Variants in CDS1 observed in about 807,000 individuals in gnomAD.
CDS1 encodes the protein phosphatidate cytidylyltransferase 1.
CDS1 carries 41 observed loss-of-function variants against 62.1 expected under a neutral mutation model. The ratio of observed to expected loss-of-function variants is 0.66; its 90% confidence interval spans 0.51 to 0.86. The LOEUF (loss-of-function observed/expected upper bound fraction) is 0.86. Ranked by LOEUF, CDS1 falls within the 40% of genes least tolerant of loss-of-function variation. The pLI is 0.00. For synonymous variants in CDS1, 185 were observed against 192.6 expected (o/e 0.96, Z 0.32); for missense variants, 470 against 550.1 (o/e 0.85, Z 1.46).
At chr4:84,600,034 C>T (rs1234501056) in intron 1 of CDS1, among the ~76,000 whole-genome samples, 1 of 152,208 alleles carries the variant, frequency 6.6e-6, no homozygotes, top group East Asian at 1.9e-4. Flanking sequence ...TCCAGATTTT[C>T]TCCAACATTT....
intron 2 of CDS1, among the ~76,000 whole-genome samples, chr4:84,606,957 A>C (rs1723112599): frequency 6.6e-6 from 1 of 152,206 alleles, no homozygotes; most frequent in African/African-American, 2.4e-5. Context: ...ATTAATCCAC[A>C]AACAGTTATA....
intron 10 of CDS1, among the ~76,000 whole-genome samples, chr4:84,642,155 A>G (rs142578061): frequency 2.0e-5 from 3 of 152,140 alleles, no homozygotes; most frequent in African/African-American, 4.8e-5. Flanking sequence ...GGTGAAACCC[A>G]TGTCTACTAA....
chr4:84,632,260 G>A (rs542381804), intron 6 of CDS1, among the ~76,000 whole-genome samples: 15 of 152,004 alleles, frequency 9.9e-5, no homozygotes, highest in Non-Finnish European at 4.4e-5. Context: ...CTTGGCGTGC[G>A]CATAAAGCAG....
At chr4:84,599,222 G>C (rs981212510) in intron 1 of CDS1, among the ~76,000 whole-genome samples, 5 of 151,672 alleles carry the variant, frequency 3.3e-5, no homozygotes, top group Admixed American at 2.0e-4. Context: ...TCTTTATAAG[G>C]GCACCAAACC....
chr4:84,602,219 T>G (rs917430484), intron 1 of CDS1, among the ~76,000 whole-genome samples: 1 of 152,212 alleles, frequency 6.6e-6, no homozygotes, highest in Non-Finnish European at 1.5e-5. Flanking sequence ...AATTACTGAA[T>G]GAAAGACTCC....
At position 84,649,525 on chromosome 4, in the gene CDS1, TTTTCCCTG is replaced by T. The variant is rs1402721177; in HGVS notation, c.*849_*856del. On this transcript the variant is annotated 3_prime_UTR_variant, in exon 13 of 13. Coordinates refer to ENST00000295887, the MANE Select transcript of CDS1 (RefSeq NM_001263.4). Reference sequence around the variant, plus strand: ...GCCATCTCTTCGTCATGTGCTTCACTTTTCCCTGTTTCCCTGTGAACTGGCTTCCATGG... The same window carrying T: ...GCCATCTCTTCGTCATGTGCTTCACTTTTCCCTGTGAACTGGCTTCCATGG... The T allele has an allele frequency of 6.5e-6, 1 of 152,702 alleles. No homozygotes were observed. The highest frequency in any genetic ancestry group is 1.5e-5 in the Non-Finnish European group (1 of 68,336). 9.5% of individuals were successfully genotyped at this position (152,702 alleles called of 1,614,324 possible).
intron 1 of CDS1, among the ~76,000 whole-genome samples, chr4:84,583,849 GGGGCTGCA>G (rs986906111): frequency 3.3e-4 from 50 of 152,262 alleles, no homozygotes; most frequent in African/African-American, 1.2e-3. Context: ...TGTCCTCCTA[GGGGCTGCA>G]GTGCAGTTAG....
intron 5 of CDS1, among the ~76,000 whole-genome samples, chr4:84,628,446 C>G (rs1723922402): frequency 6.6e-6 from 1 of 152,064 alleles, no homozygotes; most frequent in Admixed American, 6.6e-5. Flanking sequence ...TTCCCTCTGT[C>G]TCATCTATTG....
chr4:84,609,314 T>C (rs1723241875), intron 2 of CDS1, 115 bp from the exon 3 acceptor site: 4 of 606,752 alleles, frequency 6.6e-6, no homozygotes, highest in Admixed American at 6.0e-5. Context: ...TTATATAAAG[T>C]GAAGTAGTAG....
chr4:84,640,804 T>TTTTTG lies in CDS1; in HGVS notation c.880-14_880-10dup, dbSNP rs565578108. 452 of 1,470,822 alleles carry TTTTTG rather than the reference T, an allele frequency of 3.1e-4. No individual in the cohort carries two copies. In the African/African-American group the frequency reaches 5.8e-3, roughly 19 times the overall value. The allele number at this position is 1,470,822 out of a possible 1,614,324, so 91.1% of individuals were successfully genotyped here. On this transcript the variant is annotated intron_variant, in intron 9 of 12. Transcript: ENST00000295887. ...AATGTGTTATGAACTTTTGCTTTGT[T>TTTTTG]TTTTGTTTTGTTTTGTTTTGTTTTT...
At chr4:84,594,771 A>G (rs1262774747) in intron 1 of CDS1, among the ~76,000 whole-genome samples, 2 of 152,142 alleles carry the variant, frequency 1.3e-5, no homozygotes, top group African/African-American at 2.4e-5. Context: ...TTGGCTCTCC[A>G]TATCTATGGG....
chr4:84,628,355 G>T (rs1412851744), intron 5 of CDS1, among the ~76,000 whole-genome samples: 1 of 152,136 alleles, frequency 6.6e-6, no homozygotes, highest in African/African-American at 2.4e-5. Flanking sequence ...GAATGGCAGT[G>T]CCTATCTTAT....
At chr4:84,646,537 T>C (rs1560485900) in intron 12 of CDS1, among the ~76,000 whole-genome samples, 1 of 152,220 alleles carries the variant, frequency 6.6e-6, no homozygotes. Flanking sequence ...TCCAGTATTA[T>C]ATCTTCTTTA....
rs1724692271 is a variant in CDS1, at chr4:84,650,249, C to T, written c.*1563C>T. The T allele has an allele frequency of 6.6e-6, 1 of 152,122 alleles. No homozygotes were observed. The highest frequency in any genetic ancestry group is 2.4e-5 in the African/African-American group (1 of 41,442). 9.4% of individuals were successfully genotyped at this position (152,122 alleles called of 1,614,324 possible). On this transcript the variant is annotated 3_prime_UTR_variant, in exon 13 of 13. Transcript: ENST00000295887. ...TGATTAGACATAGGTGCACTCGGTA[C>T]CAAGAGTCCATTTTATGGTCCAGCA...
At chr4:84,629,670 C>G (rs749175156) in intron 5 of CDS1, among the ~76,000 whole-genome samples, 19 of 152,112 alleles carry the variant, frequency 1.2e-4, no homozygotes, top group Non-Finnish European at 2.8e-4. Flanking sequence ...GCTAGGAAAA[C>G]ACTTTATACC....
chr4:84,644,721 A>G (rs1023659773), intron 11 of CDS1, among the ~76,000 whole-genome samples: 1 of 152,170 alleles, frequency 6.6e-6, no homozygotes, highest in Non-Finnish European at 1.5e-5. Flanking sequence ...GGCTCACTGT[A>G]ATTTTATTTT....
intron 3 of CDS1, among the ~76,000 whole-genome samples, chr4:84,609,885 G>A (rs913790145): frequency 6.6e-6 from 1 of 152,052 alleles, no homozygotes; most frequent in Non-Finnish European, 1.5e-5. Context: ...TTGGAGTAGT[G>A]GTTCACGCCT....
chr4:84,589,161 C>T (rs1326048141), intron 1 of CDS1, among the ~76,000 whole-genome samples: 2 of 152,178 alleles, frequency 1.3e-5, no homozygotes, highest in Non-Finnish European at 2.9e-5. Flanking sequence ...TTTTCACCGA[C>T]TTTCCCGTAA....
intron 2 of CDS1, among the ~76,000 whole-genome samples, chr4:84,609,199 AAAG>A (rs1354071705): frequency 4.0e-5 from 6 of 150,866 alleles, no homozygotes; most frequent in African/African-American, 9.7e-5. Context: ...AAAAAAAAAA[AAAG>A]AAAAGAAAAA....
Sources: allele counts gnomAD v4.1 joint callset (sites outside exome capture counted in the v4.1 genomes callset), GRCh38; gene constraint gnomAD v4.1.1; transcripts MANE v1.5; gene names NCBI Gene and HGNC (gene_info 2026-07-23, HGNC 2026-07-21).